AGAP1: variants seen among roughly 807,000 people sequenced by gnomAD.
AGAP1 encodes the protein ArfGAP with GTPase domain, ankyrin repeat and PH domain 1, also known as arf-GAP with GTPase, ANK repeat and PH domain-containing protein 1.
AGAP1 carries 29 observed loss-of-function variants against 105.3 expected under a neutral mutation model. The ratio of observed to expected loss-of-function variants is 0.28; its 90% CI spans 0.21 to 0.38. AGAP1 has a LOEUF of 0.38. Among genes scored for constraint, AGAP1 ranks in the 10% least tolerant of loss-of-function variants. The pLI, the probability that AGAP1 is intolerant of heterozygous loss-of-function variation, is 1.00. For synonymous variants in AGAP1, 509 were observed against 485.9 expected (o/e 1.05, Z -0.63); for missense variants, 998 against 1,165.1 (o/e 0.86, Z 2.09).
Position 236,042,331 on chromosome 2 carries a change from C to T in AGAP1, c.1891+1490C>T, listed in dbSNP as rs544988714. On this transcript the variant is annotated intron_variant, in intron 15 of 17. Transcript: ENST00000304032. The surrounding 1 kb of genome is among the most constrained non-coding windows in gnomAD (Gnocchi z 5.6). Reference sequence around the variant, plus strand: ...AGGGGAGAGATCAAAAGTCTGTCTGCGGCCTCTCTGGAAGCCTGTCCTGCG... The same window carrying T: ...AGGGGAGAGATCAAAAGTCTGTCTGTGGCCTCTCTGGAAGCCTGTCCTGCG... 1.2e-4 allele frequency among the ~76,000 whole-genome samples: 18 copies of T among 152,230 alleles called. No individual in the cohort carries two copies. The East Asian group carries it at 2.3e-3, about 20-fold the overall frequency.
chr2:236,008,556 G>T (rs1278220546), intron 13 of AGAP1, among the ~76,000 whole-genome samples: 1 of 152,266 alleles, frequency 6.6e-6, no homozygotes, highest in East Asian at 1.9e-4. Flanking sequence ...CAGTGGATTT[G>T]GGGTGCACCT....
At position 235,865,729 on chromosome 2, in the gene AGAP1, C is replaced by T. The variant is rs1418871091; in HGVS notation, c.1051-17616C>T. ...AGTTAAGGGGGGATTCCTGCTGTTC[C>T]TATGGAAACACTTTAAACTAGAGAG... On this transcript the variant is annotated intron_variant, in intron 9 of 17. Coordinates refer to ENST00000304032, the MANE Select transcript of AGAP1 (RefSeq NM_001037131.3). This position sits in a 1 kb window ranked among gnomAD's most constrained non-coding sequence, Gnocchi z 6.2. Among the ~76,000 whole-genome samples, 6 of 152,158 alleles carry T rather than the reference C, an allele frequency of 3.9e-5. No individual in the cohort carries two copies. The highest frequency in any genetic ancestry group is 8.8e-5 in the Non-Finnish European group (6 of 68,016).
chr2:236,103,647 G>A (rs1014846599), intron 16 of AGAP1, among the ~76,000 whole-genome samples: 1 of 151,468 alleles, frequency 6.6e-6, no homozygotes, highest in African/African-American at 2.4e-5. Flanking sequence ...TCGGCTCACA[G>A]TAACCTCCAC....
intron 11 of AGAP1, among the ~76,000 whole-genome samples, chr2:235,928,018 A>G (rs1411583575): frequency 6.6e-6 from 1 of 152,168 alleles, no homozygotes; most frequent in African/African-American, 2.4e-5. Context: ...CATCTTACCT[A>G]CACAGCAGGT....
intron 1 of AGAP1, among the ~76,000 whole-genome samples, chr2:235,558,727 G>A (rs996077388): frequency 1.3e-5 from 2 of 152,124 alleles, no homozygotes; most frequent in East Asian, 3.9e-4. Context: ...AGATGCACCC[G>A]CTTTCAGCCG....
At chr2:235,519,107 C>G (rs970555207) in intron 1 of AGAP1, among the ~76,000 whole-genome samples, 2 of 152,180 alleles carry the variant, frequency 1.3e-5, no homozygotes, top group African/African-American at 4.8e-5. Context: ...GGGTCTCACT[C>G]TGTTGCCCAG....
intron 1 of AGAP1, among the ~76,000 whole-genome samples, chr2:235,589,550 A>G (rs1945261564): frequency 6.6e-6 from 1 of 152,016 alleles, no homozygotes. Flanking sequence ...CATCCAACCG[A>G]ACTTTTCAAG....
intron 12 of AGAP1, among the ~76,000 whole-genome samples, chr2:235,949,387 T>C (rs185407028): frequency 6.6e-6 from 1 of 152,276 alleles, no homozygotes; most frequent in Non-Finnish European, 1.5e-5. Flanking sequence ...AGTGCTGCCA[T>C]ACCACTTCAA....
chr2:235,836,663 C>T lies in AGAP1; in HGVS notation c.1050+29332C>T, dbSNP rs575575777. 2.0e-5 allele frequency among the ~76,000 whole-genome samples: 3 copies of T among 152,244 alleles called. No individual in the cohort carries two copies. The East Asian group carries it at 5.8e-4, about 29-fold the overall frequency. ...TCTGTGTCATGCTTCAGGGGGCAGGCATTTAAAGTTAACCAGTTTAAGTGG... is the reference window on the plus strand; with the variant it reads ...TCTGTGTCATGCTTCAGGGGGCAGGTATTTAAAGTTAACCAGTTTAAGTGG... On this transcript the variant is annotated intron_variant, in intron 9 of 17. Transcript: ENST00000304032.
intron 1 of AGAP1, among the ~76,000 whole-genome samples, chr2:235,682,880 T>C (rs181693742): frequency 2.0e-5 from 3 of 152,120 alleles, no homozygotes; most frequent in East Asian, 3.9e-4. Flanking sequence ...TGTAGTTCTT[T>C]TGTTGATGGA....
rs948285488 is a variant in AGAP1, at chr2:235,741,178, C to T, written c.396+130C>T. On this transcript the variant is annotated intron_variant, in intron 4 of 17. Transcript: ENST00000304032. The surrounding 1 kb of genome is among the most constrained non-coding windows in gnomAD (Gnocchi z 4.9). ...GGAAACCCCATAAAAAATGTTTCCT[C>T]TCACTGCATTTTTTTCTCATCTCTA... 10 of 661,852 alleles carry T rather than the reference C, an allele frequency of 1.5e-5. No homozygotes were observed. Among genetic ancestry groups the T allele is most frequent in the Non-Finnish European group, 2.1e-5 (9 of 421,146 alleles). 41.0% of individuals were successfully genotyped at this position (661,852 alleles called of 1,614,324 possible). A position where few individuals can be genotyped will look rare whatever the true frequency, so the allele number is the denominator to read the frequency against.
chr2:235,920,993 A>G (rs2052157147), intron 11 of AGAP1, among the ~76,000 whole-genome samples: 1 of 152,216 alleles, frequency 6.6e-6, no homozygotes, highest in Non-Finnish European at 1.5e-5. Flanking sequence ...AAATTGCTTT[A>G]AAGATGCCCA....
chr2:235,596,880 G>A lies in AGAP1; in HGVS notation c.163+102031G>A, dbSNP rs1343222117. On this transcript the variant is annotated intron_variant, in intron 1 of 17. Coordinates refer to ENST00000304032, the MANE Select transcript of AGAP1 (RefSeq NM_001037131.3). This position sits in a 1 kb window ranked among gnomAD's most constrained non-coding sequence, Gnocchi z 5.9. ...GGGAGTGGACCCCTTGTGGTGGCAC[G>A]AATGCCCCTCAGGAGCGCTTGCTCT... 3.3e-5 allele frequency among the ~76,000 whole-genome samples: 5 copies of A among 152,218 alleles called. No individual in the cohort carries two copies. In the South Asian group the frequency reaches 6.2e-4, roughly 19 times the overall value.
chr2:235,824,409 A>G lies in AGAP1; in HGVS notation c.1050+17078A>G, dbSNP rs1192540052. Among the ~76,000 whole-genome samples the G allele has an allele frequency of 6.6e-6, 1 of 152,226 alleles. No homozygotes were observed. The highest frequency in any genetic ancestry group is 1.5e-5 in the Non-Finnish European group (1 of 68,040). ...CTGGTAGCTACCAGTGTAATTAAAT[A>G]TTTCAGAGCACTTGGCTACAGTAGC... On this transcript the variant is annotated intron_variant, in intron 9 of 17. Transcript: ENST00000304032. This position sits in a 1 kb window ranked among gnomAD's most constrained non-coding sequence, Gnocchi z 5.2.
rs1207099027 is a variant in AGAP1 at position 235,709,349 on chromosome 2, G to T, written c.222+112G>T. ...CGCCTGGGGCCCAGAGTGGAAGTGTGACTCTGGGTGTGTTCCTGGGAAGGG... is the reference window on the plus strand; with the variant it reads ...CGCCTGGGGCCCAGAGTGGAAGTGTTACTCTGGGTGTGTTCCTGGGAAGGG... On this transcript the variant is annotated intron_variant, in intron 2 of 17. Transcript: ENST00000304032. 4.1e-6 allele frequency: 5 copies of T among 1,234,566 alleles called. No homozygotes were observed. The East Asian group carries it at 1.2e-4, about 29-fold the overall frequency. The allele number at this position is 1,234,566 out of a possible 1,614,324, so 76.5% of individuals were successfully genotyped here.
At chr2:235,876,096 C>T (rs2049711980) in intron 9 of AGAP1, among the ~76,000 whole-genome samples, 1 of 152,170 alleles carries the variant, frequency 6.6e-6, no homozygotes, top group African/African-American at 2.4e-5. Flanking sequence ...ATTTTCTCAT[C>T]TCCAATAGAG....
chr2:235,637,864 G>A (rs932832041), intron 1 of AGAP1, among the ~76,000 whole-genome samples: 1 of 152,164 alleles, frequency 6.6e-6, no homozygotes, highest in Admixed American at 6.5e-5. Context: ...GAGCTCTGAT[G>A]TCCGAGTGCA....
intron 1 of AGAP1, among the ~76,000 whole-genome samples, chr2:235,547,523 T>A (rs1411232093): frequency 1.3e-5 from 2 of 152,092 alleles, no homozygotes; most frequent in Non-Finnish European, 2.9e-5. Flanking sequence ...CACGCCTGGC[T>A]AATTTTTGTA....
chr2:235,551,882 C>T lies in AGAP1; in HGVS notation c.163+57033C>T, dbSNP rs1432091404. On this transcript the variant is annotated intron_variant, in intron 1 of 17. Coordinates refer to ENST00000304032, the MANE Select transcript of AGAP1 (RefSeq NM_001037131.3). The surrounding 1 kb of genome is among the most constrained non-coding windows in gnomAD (Gnocchi z 4.8). The stretch of plus-strand genomic sequence containing the variant: ...CAGGAGCTTCTAGTGATGCTGGAGG[C>T]GGCCACTGCTGTCTTTCAGCTGTGA... Among the ~76,000 whole-genome samples, 4 of 152,194 alleles carry T rather than the reference C, an allele frequency of 2.6e-5. No individual in the cohort carries two copies. Among genetic ancestry groups the T allele is most frequent in the East Asian group, 1.9e-4 (1 of 5,198 alleles).
Sources: allele counts gnomAD v4.1 joint callset (sites outside exome capture counted in the v4.1 genomes callset), GRCh38; gene constraint gnomAD v4.1.1; non-coding constraint Gnocchi (gnomAD v3.1); transcripts MANE v1.5; gene names NCBI Gene and HGNC (gene_info 2026-07-23, HGNC 2026-07-21).